Variants in THADA observed in about 807,000 individuals in gnomAD.
THADA encodes the protein THADA armadillo repeat containing.
THADA carries 213 observed loss-of-function variants against 219.8 expected under a neutral mutation model. The ratio of observed to expected loss-of-function variants is 0.97; its 90% CI spans 0.87 to 1.09. The LOEUF is 1.09. THADA is among the 50% of genes least tolerant of loss of function. The pLI, the probability that THADA is intolerant of heterozygous loss-of-function variation, is 0.00. For missense variants in THADA, 2,956 were observed against 2,311.3 expected, an observed-to-expected ratio of 1.28 and a Z score of -5.72; for synonymous variants, 1,018 against 828.9, an observed-to-expected ratio of 1.23 and a Z score of -3.92.
In THADA at chr2:43,590,909, G is replaced by A. The variant is rs376725588; in HGVS notation, c.217C>T (p.Pro73Ser). ...EKADKNGMCD[P>S]TIQSCLDILA... Reference sequence around the variant, plus strand: ...ATATCCAAACAACTTTGAATAGTGGGATCACACATGCCATTTTTATCTGCT... The same window carrying A: ...ATATCCAAACAACTTTGAATAGTGGAATCACACATGCCATTTTTATCTGCT... Residue 73 changes from proline to serine, a missense_variant, in exon 4 of 38, where the codon CCC (proline) becomes TCC (serine). By Grantham distance (74) the Pro-to-Ser change is moderately conservative (BLOSUM62 -1). Coordinates refer to ENST00000405975, the MANE Select transcript of THADA (RefSeq NM_022065.5). The A allele has an allele frequency of 3.7e-6, 6 of 1,613,386 alleles. No individual in the cohort carries two copies. The highest frequency in any genetic ancestry group is 1.7e-5 in the Admixed American group (1 of 59,978).
intron 28 of THADA, among the ~76,000 whole-genome samples, chr2:43,427,640 CA>C (rs556194245): frequency 3.4e-3 from 500 of 147,862 alleles, no homozygotes; most frequent in Admixed American, 6.6e-3. Flanking sequence ...TTAATATATA[CA>C]ATAGGTTTAC....
intron 22 of THADA, among the ~76,000 whole-genome samples, chr2:43,526,053 T>C (rs1463129659): frequency 3.3e-5 from 5 of 152,232 alleles, no homozygotes; most frequent in African/African-American, 1.2e-4. Flanking sequence ...AATTCTATAA[T>C]GCAAAGAGGT....
chr2:43,359,636 C>T (rs1017301853), intron 29 of THADA, among the ~76,000 whole-genome samples: 1 of 152,136 alleles, frequency 6.6e-6, no homozygotes, highest in African/African-American at 2.4e-5. Context: ...GCGAAGATTG[C>T]GCCACTGCAC....
At chr2:43,519,842 C>T (rs1427705772) in intron 22 of THADA, among the ~76,000 whole-genome samples, 1 of 152,206 alleles carries the variant, frequency 6.6e-6, no homozygotes, top group African/African-American at 2.4e-5. Flanking sequence ...AACCCTAAGT[C>T]TTCTCAATAG....
chr2:43,475,237 G>A (rs958320313), intron 26 of THADA, among the ~76,000 whole-genome samples: 1 of 151,902 alleles, frequency 6.6e-6, no homozygotes, highest in Non-Finnish European at 1.5e-5. Flanking sequence ...GGCAAATGGC[G>A]AAACCCGGTC....
intron 36 of THADA, among the ~76,000 whole-genome samples, chr2:43,246,655 C>T (rs1180109267): frequency 6.6e-6 from 1 of 152,216 alleles, no homozygotes; most frequent in African/African-American, 2.4e-5. Context: ...GACTTTTAAA[C>T]TCACAACATG....
chr2:43,295,462 C>G (rs1443953953), intron 31 of THADA, among the ~76,000 whole-genome samples: 1 of 152,176 alleles, frequency 6.6e-6, no homozygotes. Context: ...GTTTTATCTA[C>G]AAGAACTTAT....
chr2:43,302,417 T>C (rs957088139), intron 31 of THADA, among the ~76,000 whole-genome samples: 1 of 152,176 alleles, frequency 6.6e-6, no homozygotes, highest in African/African-American at 2.4e-5. Flanking sequence ...GTGTGACTGA[T>C]TCTTGCATCC....
chr2:43,495,101 G>C (rs1401718496), intron 25 of THADA, among the ~76,000 whole-genome samples: 1 of 152,034 alleles, frequency 6.6e-6, no homozygotes, highest in East Asian at 1.9e-4. Flanking sequence ...TATGCATTAA[G>C]GAAAAATCAC....
intron 22 of THADA, among the ~76,000 whole-genome samples, chr2:43,521,111 G>A (rs1186650015): frequency 1.5e-5 from 2 of 129,324 alleles, no homozygotes; most frequent in African/African-American, 6.0e-5. Context: ...AGAGGGAAGG[G>A]AGGGAAGGTA....
At chr2:43,321,863 T>C (rs1255227543) in intron 30 of THADA, among the ~76,000 whole-genome samples, 1 of 152,202 alleles carries the variant, frequency 6.6e-6, no homozygotes, top group African/African-American at 2.4e-5. Context: ...GGGGATGGCA[T>C]TGATATTGGC....
intron 22 of THADA, 117 bp downstream of exon 22, chr2:43,527,762 G>C: frequency 1.6e-6 from 1 of 644,638 alleles, no homozygotes; most frequent in Non-Finnish European, 2.6e-6. Context: ...CAAGAGTTTT[G>C]TAGTCAACCA....
rs763574266 is a variant in THADA at position 43,574,770 on chromosome 2, A to T, written c.1295T>A (p.Val432Asp). Residue 432 changes from valine to aspartate, a missense_variant, in exon 11 of 38, where the codon GTC becomes GAC. Transcript: ENST00000405975. The stretch of plus-strand genomic sequence containing the variant: ...CAATTCCACAAAGAAAGGATCAGGG[A>T]CGAAATCTGCACCTTCCACAGTGAG... ...HRLTVEGADF[V>D]PDPFFVELTE... 23 of 1,614,048 alleles carry T rather than the reference A, an allele frequency of 1.4e-5. No individual in the cohort carries two copies. In the East Asian group the frequency reaches 4.9e-4, roughly 34 times the overall value.
intron 26 of THADA, 53 bp downstream of exon 26, chr2:43,485,181 G>T: frequency 7.1e-7 from 1 of 1,417,660 alleles, no homozygotes; most frequent in South Asian, 1.2e-5. Context: ...TTTTTGGCCA[G>T]GACAATATTG....
intron 4 of THADA, among the ~76,000 whole-genome samples, 183 bp from the exon 5 acceptor site, chr2:43,587,185 C>T (rs191825308): frequency 1.3e-5 from 2 of 152,294 alleles, no homozygotes; most frequent in African/African-American, 2.4e-5. Context: ...GGTCTCCCTG[C>T]TTCCACCTTG....
At chr2:43,344,879 T>C (rs1667470177) in intron 29 of THADA, among the ~76,000 whole-genome samples, 1 of 152,232 alleles carries the variant, frequency 6.6e-6, no homozygotes, top group South Asian at 2.1e-4. Flanking sequence ...CACGTATGTA[T>C]GTACTGGATT....
At chr2:43,353,705 G>A (rs986372881) in intron 29 of THADA, among the ~76,000 whole-genome samples, 2 of 152,098 alleles carry the variant, frequency 1.3e-5, no homozygotes, top group Admixed American at 1.3e-4. Flanking sequence ...GCCCATGCTG[G>A]AGTGTGGTGG....
intron 36 of THADA, among the ~76,000 whole-genome samples, chr2:43,238,132 A>AAAAAAAAAAAAAAAAAAAAAG: frequency 7.1e-6 from 1 of 141,740 alleles, no homozygotes; most frequent in Non-Finnish European, 1.5e-5. Context: ...AAAAAAAAAA[A>AAAAAAAAAAAAAAAAAAAAAG]AAAAAAAAAA....
chr2:43,375,048 G>T (rs1175832207), intron 29 of THADA, among the ~76,000 whole-genome samples: 1 of 144,942 alleles, frequency 6.9e-6, no homozygotes, highest in Non-Finnish European at 1.5e-5. Context: ...GGACCAAAAA[G>T]AAAAAAAAAA....
Sources: allele counts gnomAD v4.1 joint callset (sites outside exome capture counted in the v4.1 genomes callset), GRCh38; gene constraint gnomAD v4.1.1; transcripts MANE v1.5; gene names NCBI Gene and HGNC (gene_info 2026-07-23, HGNC 2026-07-21).